The following NRXN1 variants were observed in gnomAD, a reference collection of about 807,000 sequenced individuals.
NRXN1 encodes the protein neurexin 1.
A neutral mutation model predicts 150.9 loss-of-function variants in NRXN1; 39 were observed. The ratio of observed to expected loss-of-function variants is 0.26; its 90% CI spans 0.20 to 0.34. The LOEUF is 0.34. NRXN1 is among the 10% of genes least tolerant of loss of function. The probability of loss-of-function intolerance (pLI) is 1.00; values close to 1 mark genes in which losing one functional copy is unlikely to be tolerated. For missense variants in NRXN1, 1,815 were observed against 1,949.9 expected, an observed-to-expected ratio of 0.93 and a Z score of 1.30; for synonymous variants, 924 against 757.0, an observed-to-expected ratio of 1.22 and a Z score of -3.62.
chr2:50,539,069 T>TTTGATTGATTTAACTATTTAAC, intron 9 of NRXN1, among the ~76,000 whole-genome samples: 1 of 152,342 alleles, frequency 6.6e-6, no homozygotes, highest in South Asian at 2.1e-4. Context: ...TTTAACTGAC[T>TTTGATTGATTTAACTATTTAAC]TGATTACTTT....
chr2:50,652,979 T>C (rs1461947792), intron 5 of NRXN1, among the ~76,000 whole-genome samples: 2 of 152,068 alleles, frequency 1.3e-5, no homozygotes, highest in African/African-American at 2.4e-5. Context: ...TTCTGTTTTA[T>C]TTTGTTTTCA....
chr2:50,120,850 A>G (rs1703755743), intron 18 of NRXN1, among the ~76,000 whole-genome samples: 1 of 152,158 alleles, frequency 6.6e-6, no homozygotes, highest in Non-Finnish European at 1.5e-5. Context: ...CCACTAAAGC[A>G]TTTTAAGGGA....
At chr2:50,221,158 C>T (rs1011698431) in intron 18 of NRXN1, among the ~76,000 whole-genome samples, 2 of 147,042 alleles carry the variant, frequency 1.4e-5, no homozygotes, top group African/African-American at 5.0e-5. Flanking sequence ...GGCTGTGTAT[C>T]GTGAAGACAA....
chr2:50,272,549 A>G (rs373734006), intron 17 of NRXN1, among the ~76,000 whole-genome samples: 11 of 152,190 alleles, frequency 7.2e-5, no homozygotes, highest in African/African-American at 2.7e-4. Context: ...GTCAAAAGAA[A>G]ACACAGATTC....
chr2:50,113,525 T>C (rs1193121527), intron 18 of NRXN1, among the ~76,000 whole-genome samples: 1 of 152,232 alleles, frequency 6.6e-6, no homozygotes, highest in Non-Finnish European at 1.5e-5. Flanking sequence ...AACTCACCTT[T>C]GTAGGAAAAG....
chr2:49,945,478 G>T (rs1672729107), intron 21 of NRXN1, among the ~76,000 whole-genome samples: 1 of 151,136 alleles, frequency 6.6e-6, no homozygotes, highest in Non-Finnish European at 1.5e-5. Context: ...ATGGTGGTTT[G>T]CTGCACCCAT....
chr2:50,190,817 T>C (rs1559060680), intron 18 of NRXN1, among the ~76,000 whole-genome samples: 1 of 151,770 alleles, frequency 6.6e-6, no homozygotes, highest in Non-Finnish European at 1.5e-5. Context: ...TTTTCCATGT[T>C]GGTCAGGCTG....
At chr2:50,743,464 A>G (rs10202039) in intron 5 of NRXN1, among the ~76,000 whole-genome samples, 68,599 of 151,950 alleles carry the variant, frequency 0.45, 16,183 homozygotes, top group African/African-American at 0.59. Context: ...TGGGAAATGG[A>G]GAAGGGAAGT....
chr2:50,496,178 T>G, intron 14 of NRXN1, 83 bp from the exon 15 acceptor site: 1 of 1,069,250 alleles, frequency 9.4e-7, no homozygotes, highest in Non-Finnish European at 1.4e-6. Flanking sequence ...AATGGAGATT[T>G]TTTTTCAGGT....
chr2:50,932,976 A>G (rs957137490), intron 2 of NRXN1, among the ~76,000 whole-genome samples: 1 of 151,210 alleles, frequency 6.6e-6, no homozygotes, highest in Non-Finnish European at 1.5e-5. Context: ...TTTATTAAAG[A>G]AAAAAAAAGG....
chr2:50,397,428 G>C (rs2082119588), intron 17 of NRXN1, among the ~76,000 whole-genome samples: 1 of 152,086 alleles, frequency 6.6e-6, no homozygotes, highest in South Asian at 2.1e-4. Flanking sequence ...TTTGTTAAGT[G>C]ATTGGCTTGC....
intron 5 of NRXN1, among the ~76,000 whole-genome samples, chr2:50,818,115 A>G (rs962580823): frequency 9.0e-6 from 1 of 110,726 alleles, no homozygotes; most frequent in Non-Finnish European, 1.9e-5. Context: ...ACTCCATAGC[A>G]AAAAAAAAAA....
At chr2:50,519,586 T>C (rs1416064329) in intron 12 of NRXN1, among the ~76,000 whole-genome samples, 1 of 151,972 alleles carries the variant, frequency 6.6e-6, no homozygotes, top group African/African-American at 2.4e-5. Context: ...AAACCACTGA[T>C]AGAAATGTTG....
intron 17 of NRXN1, among the ~76,000 whole-genome samples, chr2:50,453,906 G>C (rs1213172402): frequency 6.6e-6 from 1 of 152,206 alleles, no homozygotes; most frequent in East Asian, 1.9e-4. Flanking sequence ...GATCAAATAA[G>C]TATTGTAGCA....
At chr2:50,461,407 A>C (rs1180812565) in intron 17 of NRXN1, among the ~76,000 whole-genome samples, 1 of 151,976 alleles carries the variant, frequency 6.6e-6, no homozygotes, top group Non-Finnish European at 1.5e-5. Context: ...TTCTATACTA[A>C]TGTAATGTGA....
intron 17 of NRXN1, among the ~76,000 whole-genome samples, chr2:50,344,987 G>A (rs1205978312): frequency 6.6e-6 from 1 of 152,200 alleles, no homozygotes; most frequent in African/African-American, 2.4e-5. Context: ...CAAAGGCAGG[G>A]CAGTGGTTGA....
chr2:50,515,388 A>G (rs989834613), intron 12 of NRXN1, among the ~76,000 whole-genome samples: 1 of 152,176 alleles, frequency 6.6e-6, no homozygotes, highest in African/African-American at 2.4e-5. Context: ...GGTGGATGAT[A>G]CATGTAGTGA....
At chr2:50,929,650 G>GA (rs1687446711) in intron 2 of NRXN1, among the ~76,000 whole-genome samples, 1 of 152,010 alleles carries the variant, frequency 6.6e-6, no homozygotes, top group African/African-American at 2.4e-5. Context: ...ACAGGCAGTG[G>GA]AAAGACAGAT....
chr2:50,648,071 A>G (rs1559071104), intron 5 of NRXN1, among the ~76,000 whole-genome samples: 1 of 152,028 alleles, frequency 6.6e-6, no homozygotes, highest in Non-Finnish European at 1.5e-5. Context: ...ATAATATTAA[A>G]TAATTAATTT....
Sources: gnomAD v4.1 joint callset for allele counts (sites outside exome capture counted in the v4.1 genomes callset) on GRCh38, gnomAD v4.1.1 for gene constraint, MANE v1.5 for transcripts, NCBI Gene and HGNC (gene_info 2026-07-23, HGNC 2026-07-21) for gene names.